Variants in ZNF761 observed in about 807,000 individuals in gnomAD.
ZNF761 encodes the protein zinc finger protein 761.
ZNF761 carries 43 observed loss-of-function variants against 59.9 expected under a neutral mutation model. That is an observed-to-expected ratio of 0.72 (90% CI 0.56 to 0.92). The LOEUF (loss-of-function observed/expected upper bound fraction) is 0.92. ZNF761 is among the 40% of genes least tolerant of loss of function. The pLI is 0.00. For synonymous variants in ZNF761, 294 were observed against 304.8 expected (o/e 0.96, Z 0.37); for missense variants, 850 against 906.1 (o/e 0.94, Z 0.79).
Position 53,455,023 on chromosome 19 carries a change from C to T in ZNF761, c.516C>T (p.Ser172=), listed in dbSNP as rs199826191. The T allele has an allele frequency of 7.7e-5, 125 of 1,614,122 alleles. No individual in the cohort carries two copies. The highest frequency in any genetic ancestry group is 2.1e-4 in the South Asian group (19 of 91,066). The change falls in exon 5 of 5, where the codon TCC becomes TCT. Residue 172 remains serine (S), a synonymous_variant. Transcript: ENST00000684525. The part of the protein sequence containing the change: ...NQVVKSVHDA[S]LVSTAQRISC... Reference sequence around the variant, plus strand: ...TTGTGAAGTCTGTCCACGATGCTTCCTTGGTTTCAACAGCCCAAAGAATTT... The same window carrying T: ...TTGTGAAGTCTGTCCACGATGCTTCTTTGGTTTCAACAGCCCAAAGAATTT...
intron 1 of ZNF761, among the ~76,000 whole-genome samples, chr19:53,434,387 T>A (rs2169786): frequency 1 from 152,208 of 152,318 alleles, 76,050 homozygotes; most frequent in Admixed American, 1. Flanking sequence ...TCAAGTACAC[T>A]AGCCCTTGTC....
chr19:53,456,985 A>G lies in ZNF761; in HGVS notation c.*237A>G. The G allele has an allele frequency of 1.4e-6, 1 of 699,878 alleles. No homozygotes were observed. Among genetic ancestry groups the G allele is most frequent in the Non-Finnish European group, 2.5e-6 (1 of 401,442 alleles). The allele number at this position is 699,878 out of a possible 1,614,324, so 43.4% of individuals were successfully genotyped here. On this transcript the variant is annotated 3_prime_UTR_variant, in exon 5 of 5. Coordinates refer to ENST00000684525, the MANE Select transcript of ZNF761 (RefSeq NM_001289951.2). ...GGAGAATTCATACTGGAGAGAAACC[A>G]TAAAAATGTAAGAGTTTGTGACAAG...
rs1485306848 is a variant in ZNF761, at chr19:53,456,158, A to G, written c.1651A>G (p.Lys551Glu). 4 of 1,613,948 alleles carry G rather than the reference A, an allele frequency of 2.5e-6. No homozygotes were observed. Among genetic ancestry groups the G allele is most frequent in the Non-Finnish European group, 3.4e-6 (4 of 1,179,996 alleles). Residue 551 changes from lysine (K) to glutamate (E), a missense_variant, in exon 5 of 5, where the codon AAG becomes GAG. Lys to Glu is a moderately conservative substitution (Grantham distance 56, BLOSUM62 1). Coordinates refer to ENST00000684525, the MANE Select transcript of ZNF761 (RefSeq NM_001289951.2). Reference protein sequence around the residue: ...RRLHSGEKPYKCKECGKTFNQ... With the variant: ...RRLHSGEKPYECKECGKTFNQ... ...ACTTCATTCTGGAGAGAAACCTTACAAGTGTAAGGAGTGTGGCAAGACCTT... is the reference window on the plus strand; with the variant it reads ...ACTTCATTCTGGAGAGAAACCTTACGAGTGTAAGGAGTGTGGCAAGACCTT...
chr19:53,444,055 C>G (rs1217361462), intron 1 of ZNF761: 1 of 152,414 alleles, frequency 6.6e-6, no homozygotes, highest in African/African-American at 2.4e-5. Flanking sequence ...TACCAAGGGA[C>G]ACAATGCACT....
At chr19:53,444,571 G>A (rs2086134716) in intron 1 of ZNF761, 1 of 152,200 alleles carries the variant, frequency 6.6e-6, no homozygotes, top group African/African-American at 2.4e-5. Context: ...AGATGGTAGA[G>A]AGAGTGATCA....
At position 53,456,062 on chromosome 19, in the gene ZNF761, G is replaced by C. The variant is rs757556493; in HGVS notation, c.1555G>C (p.Glu519Gln). ...ATGCCATCATAGACTTCATACTGGA[G>C]AGAAAGCTTACAAGTGTAATGAGTG... ...LTCHHRLHTG[E>Q]KAYKCNECGK... The change falls in exon 5 of 5, where the codon GAG becomes CAG. Residue 519 changes from glutamate to glutamine, a missense_variant. Transcript: ENST00000684525. 6.3e-7 allele frequency: 1 copy of C among 1,598,404 alleles called. No homozygotes were observed. The highest frequency in any genetic ancestry group is 8.6e-7 in the Non-Finnish European group (1 of 1,168,648).
intron 1 of ZNF761, chr19:53,444,983 CT>C (rs557589684): frequency 0.2 from 26,889 of 136,772 alleles, 2,736 homozygotes; most frequent in Non-Finnish European, 0.25. Context: ...TCTTTTTTTT[CT>C]TTTTTTTTTT....
chr19:53,447,057 G>A (rs2086168094), intron 2 of ZNF761, 139 bp from the exon 3 acceptor site: 2 of 487,600 alleles, frequency 4.1e-6, no homozygotes, highest in Non-Finnish European at 7.2e-6. Flanking sequence ...TTTTCCTGTG[G>A]CAGTTTATCA....
chr19:53,443,386 C>A, intron 1 of ZNF761: 1 of 152,678 alleles, frequency 6.5e-6, no homozygotes, highest in South Asian at 2.0e-4. Flanking sequence ...GCTAAGAAGT[C>A]CAGTGGAGTC....
At position 53,433,171 on chromosome 19, in the gene ZNF761, G is replaced by T. The variant is rs527931546; in HGVS notation, c.-185+1143G>T. The stretch of plus-strand genomic sequence containing the variant: ...ACAAAAGGATGTTTATTTAAGATAC[G>T]CACCGGCTCAGTGGATTTACATCTA... On this transcript the variant is annotated intron_variant, in intron 1 of 4. Coordinates refer to ENST00000684525, the MANE Select transcript of ZNF761 (RefSeq NM_001289951.2). Among the ~76,000 whole-genome samples, 7 of 152,198 alleles carry T rather than the reference G, an allele frequency of 4.6e-5. No homozygotes were observed. In the East Asian group the frequency reaches 7.7e-4, roughly 17 times the overall value.
At chr19:53,447,312 T>C in intron 3 of ZNF761, 29 bp downstream of exon 3, 3 of 1,611,794 alleles carry the variant, frequency 1.9e-6, no homozygotes, top group Non-Finnish European at 2.5e-6. Context: ...TGGATTGTTC[T>C]GTCTCCTTCC....
In ZNF761 at chr19:53,447,734, A is replaced by G. The variant is rs112558646; in HGVS notation, c.15+451A>G. Among the ~76,000 whole-genome samples the G allele has an allele frequency of 6.0e-3, 916 of 152,304 alleles. 7 individuals carry two copies. Among genetic ancestry groups the G allele is most frequent in the Non-Finnish European group, 8.8e-3 (600 of 68,012 alleles). On this transcript the variant is annotated intron_variant, in intron 3 of 4. Coordinates refer to ENST00000684525, the MANE Select transcript of ZNF761 (RefSeq NM_001289951.2). ...TGTTTTCTGCCTGATTTTATAATAC[A>G]TTTTTAGTTTTTTGAGTGAGTTACT...
chr19:53,445,813 G>C (rs368659060), intron 1 of ZNF761, among the ~76,000 whole-genome samples: 1 of 152,110 alleles, frequency 6.6e-6, no homozygotes, highest in Non-Finnish European at 1.5e-5. Context: ...AGCAGGTCAC[G>C]TCAGTCCCTG....
chr19:53,456,170 T>C lies in ZNF761; in HGVS notation c.1663T>C (p.Cys555Arg). The C allele has an allele frequency of 6.2e-7, 1 of 1,613,688 alleles. No individual in the cohort carries two copies. The highest frequency in any genetic ancestry group is 8.5e-7 in the Non-Finnish European group (1 of 1,179,942). Residue 555 changes from cysteine to arginine, a missense_variant, in exon 5 of 5, where the codon TGT (cysteine) becomes CGT (arginine). By Grantham distance (180) the Cys-to-Arg change is radical (BLOSUM62 -3). Coordinates refer to ENST00000684525, the MANE Select transcript of ZNF761 (RefSeq NM_001289951.2). ...AGAGAAACCTTACAAGTGTAAGGAG[T>C]GTGGCAAGACCTTCAATCAGCAGTT... is the stretch of plus-strand genomic sequence containing the variant. ...SGEKPYKCKE[C>R]GKTFNQQLTL...
Position 53,456,831 on chromosome 19 carries a change from G to A in ZNF761, c.*83G>A, listed in dbSNP as rs2086277138. The A allele has an allele frequency of 1.4e-6, 2 of 1,457,992 alleles. No individual in the cohort carries two copies. Among genetic ancestry groups the A allele is most frequent in the Non-Finnish European group, 1.9e-6 (2 of 1,053,496 alleles). 90.3% of individuals were successfully genotyped at this position (1,457,992 alleles called of 1,614,324 possible). On this transcript the variant is annotated 3_prime_UTR_variant, in exon 5 of 5. Coordinates refer to ENST00000684525, the MANE Select transcript of ZNF761 (RefSeq NM_001289951.2). ...TACTGGGGAGAAACCTTAGAAATGT[G>A]AAGCATGTGATAAAGTTTACAGTGG... is the stretch of plus-strand genomic sequence containing the variant.
At chr19:53,440,596 T>C (rs2086088107) in intron 1 of ZNF761, among the ~76,000 whole-genome samples, 2 of 152,140 alleles carry the variant, frequency 1.3e-5, no homozygotes, top group South Asian at 4.2e-4. Flanking sequence ...TCTGTTCCCT[T>C]TTTGCAGGAT....
intron 1 of ZNF761, among the ~76,000 whole-genome samples, chr19:53,440,110 A>T (rs935168876): frequency 1.3e-5 from 2 of 152,092 alleles, no homozygotes; most frequent in African/African-American, 4.8e-5. Context: ...TGAGTACAGG[A>T]GTTCGAGACC....
chr19:53,445,491 C>G (rs1366386429), intron 1 of ZNF761, among the ~76,000 whole-genome samples: 3 of 43,964 alleles, frequency 6.8e-5, no homozygotes, highest in African/African-American at 3.5e-4. Context: ...TGAAAATTTC[C>G]CTGCTCTGAG....
chr19:53,435,077 T>G (rs1232475662), intron 1 of ZNF761, among the ~76,000 whole-genome samples: 1 of 151,894 alleles, frequency 6.6e-6, no homozygotes, highest in Non-Finnish European at 1.5e-5. Flanking sequence ...TTTACAGGAT[T>G]ACAGGTTGGA....
Sources: gnomAD v4.1 joint callset for allele counts (sites outside exome capture counted in the v4.1 genomes callset) on GRCh38, gnomAD v4.1.1 for gene constraint, MANE v1.5 for transcripts, NCBI Gene and HGNC (gene_info 2026-07-23, HGNC 2026-07-21) for gene names.